RGL1: variants seen among roughly 807,000 people sequenced by gnomAD.
RGL1 encodes the protein ral guanine nucleotide dissociation stimulator-like 1.
RGL1 carries 24 observed loss-of-function variants against 95.2 expected under a neutral mutation model. That is an observed-to-expected ratio of 0.25 (90% CI 0.18 to 0.35). The LOEUF (loss-of-function observed/expected upper bound fraction) is 0.35. RGL1 is among the 10% of genes least tolerant of loss of function. The pLI, the probability that RGL1 is intolerant of heterozygous loss-of-function variation, is 1.00. For synonymous variants in RGL1, 329 were observed against 344.9 expected, an observed-to-expected ratio of 0.95 and a Z score of 0.51; for missense variants, 715 against 936.3, an observed-to-expected ratio of 0.76 and a Z score of 3.08.
chr1:183,732,662 C>T (rs1656696985), intron 1 of RGL1, among the ~76,000 whole-genome samples: 1 of 152,108 alleles, frequency 6.6e-6, no homozygotes, highest in Non-Finnish European at 1.5e-5. Context: ...CAGATGTACA[C>T]AAGTCATTTA....
At position 183,913,182 on chromosome 1, in the gene RGL1, C is replaced by CTTTTTTTTTT. The variant is rs537751695; in HGVS notation, c.1749+933_1749+942dup. On this transcript the variant is annotated intron_variant, in intron 15 of 17. Transcript: ENST00000360851. ...TAAGATCTTAATTAAGACCAGTCTT[C>CTTTTTTTTTT]TTTTTTTTTTTTTTTTTTTTTTTTT... 7.3e-5 allele frequency among the ~76,000 whole-genome samples: 5 copies of CTTTTTTTTTT among 68,274 alleles called. 1 individual carries two copies. Among genetic ancestry groups the CTTTTTTTTTT allele is most frequent in the East Asian group, 1.0e-3 (2 of 2,006 alleles). The allele number at this position is 68,274 out of a possible 152,430, so 44.8% of individuals were successfully genotyped here.
At chr1:183,665,018 T>C (rs909880170) in intron 1 of RGL1, among the ~76,000 whole-genome samples, 5 of 152,188 alleles carry the variant, frequency 3.3e-5, no homozygotes, top group Non-Finnish European at 7.3e-5. Flanking sequence ...TAGTTGTAGA[T>C]TTTTTAAAAA....
At chr1:183,798,164 T>C (rs765455180) in intron 2 of RGL1, among the ~76,000 whole-genome samples, 5 of 152,180 alleles carry the variant, frequency 3.3e-5, no homozygotes, top group African/African-American at 4.8e-5. Flanking sequence ...CTCTCACTTA[T>C]TTATTTTTCT....
chr1:183,846,384 G>T (rs1360106114), intron 2 of RGL1, among the ~76,000 whole-genome samples: 1 of 151,394 alleles, frequency 6.6e-6, no homozygotes, highest in Admixed American at 6.6e-5. Context: ...CACACATGGG[G>T]GCCTGTCGGG....
chr1:183,880,676 C>G lies in RGL1; in HGVS notation c.486C>G (p.Pro162=). 4.3e-6 allele frequency: 7 copies of G among 1,613,918 alleles called. No individual in the cohort carries two copies. Among genetic ancestry groups the G allele is most frequent in the Non-Finnish European group, 5.9e-6 (7 of 1,179,844 alleles). Reference sequence around the variant, plus strand: ...AGTGTGCAGAAGACTTCCGAGAGCCCCCTCACTTCCCTTGCTTACAGAAAC... The same window carrying G: ...AGTGTGCAGAAGACTTCCGAGAGCCGCCTCACTTCCCTTGCTTACAGAAAC... ...LDQCAEDFRE[P]PHFPCLQKLL... Residue 162 remains proline (P), a synonymous_variant, in exon 5 of 18, where the codon CCC becomes CCG. Transcript: ENST00000360851.
chr1:183,758,851 T>C (rs553645081), intron 2 of RGL1, among the ~76,000 whole-genome samples: 152 of 152,064 alleles, frequency 1.0e-3, no homozygotes, highest in Admixed American at 2.2e-3. Context: ...AATGGTGCCC[T>C]TAACTCCATC....
intron 2 of RGL1, among the ~76,000 whole-genome samples, chr1:183,830,389 C>G (rs972429465): frequency 6.6e-6 from 1 of 152,170 alleles, no homozygotes; most frequent in African/African-American, 2.4e-5. Flanking sequence ...GTATTGGAAG[C>G]TGCTTGGTAG....
chr1:183,823,586 C>T (rs570525712), intron 2 of RGL1, among the ~76,000 whole-genome samples: 1 of 152,260 alleles, frequency 6.6e-6, no homozygotes, highest in East Asian at 1.9e-4. Context: ...ATTTTTTTCA[C>T]CATTCAGTAT....
At chr1:183,832,111 G>A (rs1039643154) in intron 2 of RGL1, among the ~76,000 whole-genome samples, 1 of 152,172 alleles carries the variant, frequency 6.6e-6, no homozygotes, top group Non-Finnish European at 1.5e-5. Context: ...AGGCAAGTGA[G>A]ACTAGTTAGG....
intron 1 of RGL1, among the ~76,000 whole-genome samples, chr1:183,704,541 AG>A (rs1190415548): frequency 6.6e-6 from 1 of 152,170 alleles, no homozygotes; most frequent in Non-Finnish European, 1.5e-5. Context: ...CTACAAACCA[AG>A]TAAAGGAGGC....
upstream of RGL1, among the ~76,000 whole-genome samples, chr1:183,802,003 AGG>A (rs1332696061): frequency 6.6e-6 from 1 of 152,202 alleles, no homozygotes; most frequent in Non-Finnish European, 1.5e-5. Flanking sequence ...TAAGATTATG[AGG>A]GGTCAAACAA....
At position 183,849,978 on chromosome 1, in the gene RGL1, C is replaced by T. The variant is rs114567536; in HGVS notation, c.347+2204C>T. 3.2e-3 allele frequency among the ~76,000 whole-genome samples: 482 copies of T among 152,234 alleles called. 3 individuals carry two copies. Among genetic ancestry groups the T allele is most frequent in the African/African-American group, 0.01 (423 of 41,522 alleles). ...CAGTGACATTCCTGTCCACAGAAAACGGGAATGCCTATTTCCTCATTTTCC... is the reference window on the plus strand; with the variant it reads ...CAGTGACATTCCTGTCCACAGAAAATGGGAATGCCTATTTCCTCATTTTCC... On this transcript the variant is annotated intron_variant, in intron 3 of 17. Coordinates refer to ENST00000360851, the MANE Select transcript of RGL1 (RefSeq NM_001297671.3).
rs1553273642 is a variant in RGL1 at position 183,713,380 on chromosome 1, C to CCA, written c.-32-28745_-32-28744insAC. 1.5e-5 allele frequency among the ~76,000 whole-genome samples: 2 copies of CCA among 131,604 alleles called. 1 individual carries two copies. Among genetic ancestry groups the CCA allele is most frequent in the Non-Finnish European group, 3.2e-5 (2 of 62,298 alleles). 86.3% of individuals were successfully genotyped at this position (131,604 alleles called of 152,430 possible). On this transcript the variant is annotated intron_variant, in intron 1 of 18. Transcript: ENST00000304685. ...TTGAAAAAAAAATCTAGAGGCACCC[C>CCA]CCCCCCCCGCTTTTATAATGACCCT...
At chr1:183,748,684 G>A (rs1657806843) in intron 2 of RGL1, among the ~76,000 whole-genome samples, 1 of 151,986 alleles carries the variant, frequency 6.6e-6, no homozygotes. Context: ...GGGATTACAG[G>A]CGTGAGCCAC....
At chr1:183,823,816 G>T (rs1306390382) in intron 2 of RGL1, among the ~76,000 whole-genome samples, 8 of 152,122 alleles carry the variant, frequency 5.3e-5, no homozygotes, top group Non-Finnish European at 1.2e-4. Flanking sequence ...TAGAGACAGG[G>T]TCTTGCTCTG....
At chr1:183,640,764 A>G (rs1649871244) in intron 1 of RGL1, among the ~76,000 whole-genome samples, 1 of 152,180 alleles carries the variant, frequency 6.6e-6, no homozygotes, top group Admixed American at 6.5e-5. Flanking sequence ...CTTCTTTTCT[A>G]ATATTTCTGT....
chr1:183,897,715 G>A (rs12031722), intron 9 of RGL1, 93 bp from the exon 10 acceptor site: 8 of 866,658 alleles, frequency 9.2e-6, no homozygotes, highest in Non-Finnish European at 9.5e-6. Context: ...CGAGAGTTAT[G>A]CAGGGTTGTG....
intron 1 of RGL1, among the ~76,000 whole-genome samples, chr1:183,649,374 T>C (rs1390003673): frequency 6.6e-6 from 1 of 152,246 alleles, no homozygotes; most frequent in Admixed American, 6.5e-5. Flanking sequence ...GTGTTTTGCA[T>C]TTTGTTCATG....
intron 1 of RGL1, among the ~76,000 whole-genome samples, chr1:183,660,446 C>G (rs1651532099): frequency 6.6e-6 from 1 of 151,280 alleles, no homozygotes; most frequent in Admixed American, 6.6e-5. Context: ...CAACAAAGAT[C>G]AAAAGAGACA....
Sources: gnomAD v4.1 joint callset for allele counts (sites outside exome capture counted in the v4.1 genomes callset) on GRCh38, gnomAD v4.1.1 for gene constraint, MANE v1.5 for transcripts, NCBI Gene and HGNC (gene_info 2026-07-23, HGNC 2026-07-21) for gene names.